The following DHRSX variants were observed in gnomAD, a reference collection of about 807,000 sequenced individuals.
DHRSX encodes dehydrogenase/reductase X-linked.
Under a neutral mutation model 34.0 loss-of-function variants are expected in DHRSX, and 31 were observed. That is an observed-to-expected ratio of 0.91 (90% confidence interval 0.69 to 1.23). The LOEUF is 1.23. Ranked by LOEUF, DHRSX falls within the 50% of genes most tolerant of loss-of-function variation. DHRSX has a pLI of 0.00. For missense variants in DHRSX, 414 were observed against 428.1 expected (o/e 0.97, Z 0.29); for synonymous variants, 201 against 183.8 (o/e 1.09, Z -0.76).
chrX:2,381,320 G>A (rs1367082694), intron 3 of DHRSX, among the ~76,000 whole-genome samples: 3 of 152,134 alleles, frequency 2.0e-5, no homozygotes, highest in South Asian at 2.1e-4. Context: ...CTTCTGCCAC[G>A]TGATGACAAG....
rs1419598098 is a variant in DHRSX at position 2,305,462 on chromosome X, C to A, written c.287-13859G>T. ...CCTCAAGGATCTAGAACCAGAAATA[C>A]CATTTGACCCAGCAATCCCATGACT... On this transcript the variant is annotated intron_variant, in intron 3 of 6. Transcript: ENST00000334651. Among the ~76,000 whole-genome samples the A allele has an allele frequency of 2.0e-5, 3 of 152,102 alleles. No individual in the cohort carries two copies. In the East Asian group the frequency reaches 5.8e-4, roughly 29 times the overall value.
intron 5 of DHRSX, among the ~76,000 whole-genome samples, chrX:2,262,502 C>A (rs767286500): frequency 1.3e-5 from 2 of 152,162 alleles, no homozygotes; most frequent in African/African-American, 4.8e-5. Flanking sequence ...ACACAACTCA[C>A]CTGTGCATAT....
intron 6 of DHRSX, among the ~76,000 whole-genome samples, chrX:2,238,960 T>C (rs1467783049): frequency 6.6e-6 from 1 of 151,992 alleles, no homozygotes; most frequent in Non-Finnish European, 1.5e-5. Flanking sequence ...TACACAGCAA[T>C]ACAGAATTAT....
At chrX:2,454,441 T>G (rs1207611595) in intron 1 of DHRSX, among the ~76,000 whole-genome samples, 2 of 151,164 alleles carry the variant, frequency 1.3e-5, no homozygotes, top group African/African-American at 4.9e-5. Flanking sequence ...GCAGGAGAAT[T>G]GCTTCAACCC....
intron 2 of DHRSX, among the ~76,000 whole-genome samples, chrX:2,414,967 G>A (rs1485211736): frequency 6.6e-6 from 1 of 150,486 alleles, no homozygotes; most frequent in Non-Finnish European, 1.5e-5. Context: ...ACCTCATCAT[G>A]ACATGAGACA....
intron 1 of DHRSX, among the ~76,000 whole-genome samples, chrX:2,446,522 A>G (rs1297972959): frequency 2.0e-5 from 3 of 151,508 alleles, no homozygotes; most frequent in African/African-American, 7.3e-5. Context: ...GGTCCCTAAC[A>G]ATGCGGCCAA....
At chrX:2,236,882 A>AT (rs767732943) in intron 6 of DHRSX, among the ~76,000 whole-genome samples, 257 of 122,202 alleles carry the variant, frequency 2.1e-3, no homozygotes, top group African/African-American at 6.6e-3. Flanking sequence ...TTGTTTATTA[A>AT]TAAAAAAAAA....
At chrX:2,454,566 A>G (rs745351010) in intron 1 of DHRSX, among the ~76,000 whole-genome samples, 49 of 151,770 alleles carry the variant, frequency 3.2e-4, no homozygotes, top group African/African-American at 9.7e-4. Context: ...AGATTTCTAC[A>G]CTGTGAAAAA....
intron 1 of DHRSX, among the ~76,000 whole-genome samples, chrX:2,474,901 G>T (rs971366098): frequency 4.7e-5 from 7 of 150,188 alleles, no homozygotes; most frequent in African/African-American, 1.7e-4. Flanking sequence ...CCAAGGGACC[G>T]CCACCATGTA....
chrX:2,498,434 T>G (rs1025154669), intron 1 of DHRSX, among the ~76,000 whole-genome samples: 17 of 152,160 alleles, frequency 1.1e-4, no homozygotes, highest in Non-Finnish European at 2.1e-4. Context: ...ATTCCTCCAC[T>G]GGTATCGAAA....
intron 3 of DHRSX, among the ~76,000 whole-genome samples, chrX:2,294,535 C>T (rs1189757796): frequency 2.0e-5 from 3 of 151,878 alleles, no homozygotes; most frequent in African/African-American, 2.4e-5. Context: ...TGTGGTGGTG[C>T]ACGCCTGTAA....
intron 6 of DHRSX, among the ~76,000 whole-genome samples, chrX:2,226,682 T>C (rs990208549): frequency 1.5e-5 from 1 of 68,778 alleles, no homozygotes; most frequent in African/African-American, 5.1e-5. Flanking sequence ...GCGCCTGTAG[T>C]CCCAGCTACT....
At chrX:2,435,623 G>A (rs192162821) in intron 1 of DHRSX, among the ~76,000 whole-genome samples, 1 of 152,224 alleles carries the variant, frequency 6.6e-6, no homozygotes, top group East Asian at 1.9e-4. Context: ...AACTTAGCCA[G>A]GCATGGTGGC....
chrX:2,253,415 G>C lies in DHRSX; in HGVS notation c.597-10185C>G, dbSNP rs1318231574. On this transcript the variant is annotated intron_variant, in intron 5 of 6. Coordinates refer to ENST00000334651, the MANE Select transcript of DHRSX (RefSeq NM_145177.3). ...CCACGGCACTCCAGCCTAGGAGGCG[G>C]ACATGGCCGTGAGCCAAGATGTCGC... Among the ~76,000 whole-genome samples, 4 of 151,898 alleles carry C rather than the reference G, an allele frequency of 2.6e-5. No homozygotes were observed. In the South Asian group the frequency reaches 6.2e-4, roughly 24 times the overall value.
intron 3 of DHRSX, among the ~76,000 whole-genome samples, chrX:2,315,803 C>G (rs1364720732): frequency 1.3e-5 from 2 of 152,124 alleles, no homozygotes; most frequent in Non-Finnish European, 2.9e-5. Context: ...GGATGCTCTT[C>G]CAGGCATGCT....
At chrX:2,330,547 A>AGGGAAGGGAG (rs2042455011) in intron 3 of DHRSX, among the ~76,000 whole-genome samples, 1 of 110,634 alleles carries the variant, frequency 9.0e-6, no homozygotes, top group Non-Finnish European at 1.8e-5. Flanking sequence ...AGAAAAGGGA[A>AGGGAAGGGAG]GGGAAGGGAG....
intron 3 of DHRSX, among the ~76,000 whole-genome samples, chrX:2,395,587 G>C (rs1405852536): frequency 1.3e-5 from 2 of 152,108 alleles, no homozygotes; most frequent in Non-Finnish European, 2.9e-5. Context: ...ACTGAGTAAG[G>C]GATGTTCCCG....
intron 3 of DHRSX, among the ~76,000 whole-genome samples, chrX:2,399,031 C>A (rs1180763473): frequency 6.6e-6 from 1 of 151,810 alleles, no homozygotes; most frequent in East Asian, 1.9e-4. Flanking sequence ...TTTTTTTGTA[C>A]TTTTAGTAGA....
At chrX:2,410,083 T>A (rs1569498159) in intron 2 of DHRSX, among the ~76,000 whole-genome samples, 1 of 152,046 alleles carries the variant, frequency 6.6e-6, no homozygotes, top group Non-Finnish European at 1.5e-5. Flanking sequence ...GAGACTATAG[T>A]TTGATGTTGT....
Sources: allele counts gnomAD v4.1 joint callset (sites outside exome capture counted in the v4.1 genomes callset), GRCh38; gene constraint gnomAD v4.1.1; transcripts MANE v1.5; gene names NCBI Gene and HGNC (gene_info 2026-07-23, HGNC 2026-07-21).